The following SPAG16 variants were observed in gnomAD, a reference collection of about 807,000 sequenced individuals.
SPAG16 encodes the protein sperm-associated antigen 16 protein.
A neutral mutation model predicts 80.4 loss-of-function variants in SPAG16; 86 were observed. The ratio of observed to expected loss-of-function variants is 1.07; its 90% CI spans 0.90 to 1.28. The LOEUF is 1.28. Ranked by LOEUF, SPAG16 falls within the 50% of genes most tolerant of loss-of-function variation. SPAG16 has a pLI of 0.00. For synonymous variants in SPAG16, 294 were observed against 265.9 expected, an observed-to-expected ratio of 1.11 and a Z score of -1.03; for missense variants, 870 against 765.3, an observed-to-expected ratio of 1.14 and a Z score of -1.61.
intron 10 of SPAG16, among the ~76,000 whole-genome samples, chr2:213,773,443 TA>T (rs2069377023): frequency 6.6e-6 from 1 of 152,236 alleles, no homozygotes; most frequent in Non-Finnish European, 1.5e-5. Flanking sequence ...TTCATGTAAC[TA>T]GTATATCCAT....
At chr2:213,780,338 C>T (rs2069863187) in intron 10 of SPAG16, among the ~76,000 whole-genome samples, 1 of 152,206 alleles carries the variant, frequency 6.6e-6, no homozygotes, top group Non-Finnish European at 1.5e-5. Flanking sequence ...TATCTTTAGT[C>T]TTTCTGATTC....
chr2:213,853,486 C>T (rs2075009064), intron 10 of SPAG16, among the ~76,000 whole-genome samples: 2 of 152,134 alleles, frequency 1.3e-5, no homozygotes, highest in African/African-American at 4.8e-5. Context: ...TTTTATGTAA[C>T]ATGCCTGGTA....
intron 15 of SPAG16, among the ~76,000 whole-genome samples, chr2:214,180,066 A>G (rs1016330042): frequency 6.6e-6 from 1 of 151,580 alleles, no homozygotes; most frequent in African/African-American, 2.4e-5. Flanking sequence ...TGCATCTTTC[A>G]TCCCTCCTTC....
At chr2:213,875,070 G>A (rs575075217) in intron 11 of SPAG16, among the ~76,000 whole-genome samples, 14 of 151,748 alleles carry the variant, frequency 9.2e-5, no homozygotes, top group African/African-American at 1.9e-4. Context: ...CTCTCCATAC[G>A]ACCTGGGACT....
intron 15 of SPAG16, among the ~76,000 whole-genome samples, chr2:214,372,017 T>C (rs1429685915): frequency 6.6e-6 from 1 of 152,174 alleles, no homozygotes; most frequent in Non-Finnish European, 1.5e-5. Flanking sequence ...ATATCTTATA[T>C]GTAGTTCATT....
chr2:213,830,688 A>G (rs748188272), intron 10 of SPAG16, among the ~76,000 whole-genome samples: 2 of 152,120 alleles, frequency 1.3e-5, no homozygotes, highest in Non-Finnish European at 2.9e-5. Context: ...TTGGTTCCAC[A>G]TTTACACCAA....
chr2:213,359,424 G>C (rs1303142693), intron 7 of SPAG16, among the ~76,000 whole-genome samples: 1 of 152,128 alleles, frequency 6.6e-6, no homozygotes, highest in African/African-American at 2.4e-5. Context: ...GCTGCGGTGG[G>C]CTCCTCCAGT....
At chr2:213,702,840 A>C (rs1275942988) in intron 10 of SPAG16, among the ~76,000 whole-genome samples, 2 of 152,190 alleles carry the variant, frequency 1.3e-5, no homozygotes, top group African/African-American at 4.8e-5. Flanking sequence ...CATGGAAAAC[A>C]ACAAGCTGCT....
chr2:213,881,721 C>T (rs900815408), intron 11 of SPAG16, among the ~76,000 whole-genome samples: 2 of 152,254 alleles, frequency 1.3e-5, no homozygotes, highest in African/African-American at 4.8e-5. Context: ...AGAAACTGCC[C>T]CCATGATTCA....
At chr2:213,894,987 CAAAAAAAAAAAAAAA>C (rs71063793) in intron 11 of SPAG16, among the ~76,000 whole-genome samples, 1 of 49,304 alleles carries the variant, frequency 2.0e-5, no homozygotes, top group South Asian at 1.1e-3. Context: ...GGCTCCATCT[CAAAAAAAAAAAAAAA>C]AAAAAAAAAA....
intron 15 of SPAG16, among the ~76,000 whole-genome samples, chr2:214,208,930 G>C (rs183598790): frequency 1.9e-4 from 29 of 152,246 alleles, no homozygotes; most frequent in African/African-American, 7.0e-4. Context: ...ACTTTCAGTA[G>C]TTAATGCAAC....
intron 12 of SPAG16, among the ~76,000 whole-genome samples, chr2:213,932,634 G>A (rs2078816287): frequency 6.6e-6 from 1 of 152,070 alleles, no homozygotes; most frequent in Admixed American, 6.5e-5. Context: ...GCTCAGTCTT[G>A]AACAGCCTTG....
At chr2:214,107,063 T>G (rs1294548619) in intron 13 of SPAG16, among the ~76,000 whole-genome samples, 1 of 152,152 alleles carries the variant, frequency 6.6e-6, no homozygotes, top group Non-Finnish European at 1.5e-5. Flanking sequence ...TTATTCAAAC[T>G]TTATCTTCTG....
At chr2:214,184,533 A>G (rs2057409423) in intron 15 of SPAG16, among the ~76,000 whole-genome samples, 1 of 152,122 alleles carries the variant, frequency 6.6e-6, no homozygotes, top group Non-Finnish European at 1.5e-5. Context: ...ATTCTCAGGG[A>G]GAACTGTGGT....
At chr2:213,476,115 G>A (rs1461022333) in intron 9 of SPAG16, among the ~76,000 whole-genome samples, 1 of 152,206 alleles carries the variant, frequency 6.6e-6, no homozygotes, top group Non-Finnish European at 1.5e-5. Context: ...ACTAAGCCAA[G>A]TATTCATTCT....
intron 15 of SPAG16, among the ~76,000 whole-genome samples, chr2:214,332,478 C>A (rs1696990402): frequency 5.3e-5 from 8 of 152,126 alleles, no homozygotes; most frequent in Admixed American, 4.6e-4. Context: ...TTGTTGGTAC[C>A]TCTTTGATGG....
chr2:213,875,735 C>T (rs1465987435), intron 11 of SPAG16, among the ~76,000 whole-genome samples: 3 of 152,084 alleles, frequency 2.0e-5, no homozygotes, highest in Non-Finnish European at 4.4e-5. Flanking sequence ...GAACCAAGAC[C>T]TGTAGCTTAC....
At chr2:213,864,156 A>G (rs1172123254) in intron 11 of SPAG16, among the ~76,000 whole-genome samples, 2 of 152,174 alleles carry the variant, frequency 1.3e-5, no homozygotes, top group Admixed American at 1.3e-4. Flanking sequence ...TATATCTCAG[A>G]CCACAAACAT....
chr2:214,034,708 A>G (rs1229572117), intron 13 of SPAG16, among the ~76,000 whole-genome samples: 1 of 152,178 alleles, frequency 6.6e-6, no homozygotes, highest in Non-Finnish European at 1.5e-5. Context: ...GGCACCAGGG[A>G]ATGCTGCAGC....
Sources: gnomAD v4.1 joint callset for allele counts (sites outside exome capture counted in the v4.1 genomes callset) on GRCh38, gnomAD v4.1.1 for gene constraint, MANE v1.5 for transcripts, NCBI Gene and HGNC (gene_info 2026-07-23, HGNC 2026-07-21) for gene names.